Variants in TENM3 observed in about 807,000 individuals in gnomAD.
The protein encoded by TENM3 is teneurin transmembrane protein 3.
TENM3 carries 63 observed loss-of-function variants against 255.1 expected under a neutral mutation model. The observed-to-expected ratio is 0.25, with a 90% CI of 0.20 to 0.30. The LOEUF (loss-of-function observed/expected upper bound fraction) is 0.30, where lower values mean the gene tolerates loss of function less well. TENM3 is among the 10% of genes least tolerant of loss of function. TENM3 has a pLI of 1.00. For missense variants in TENM3, 2,929 were observed against 3,461.1 expected, an observed-to-expected ratio of 0.85 and a Z score of 3.86; for synonymous variants, 1,306 against 1,322.3, an observed-to-expected ratio of 0.99 and a Z score of 0.27.
intron 13 of TENM3, among the ~76,000 whole-genome samples, chr4:182,726,710 G>A (rs1040427490): frequency 6.6e-6 from 1 of 152,210 alleles, no homozygotes; most frequent in Non-Finnish European, 1.5e-5. Context: ...GGGAAGCACA[G>A]CGTCCGCTAC....
the TENM3 span, among the ~76,000 whole-genome samples, chr4:181,873,979 T>C: frequency 4.6e-5 from 7 of 152,168 alleles, no homozygotes; most frequent in Admixed American, 1.3e-4. Context: ...GAGACAGGGT[T>C]TCACCATGTT....
chr4:182,593,345 C>CTCTG (rs57275387), intron 3 of TENM3, among the ~76,000 whole-genome samples: 1,549 of 152,238 alleles, frequency 0.01, 36 homozygotes, highest in East Asian at 0.089. Flanking sequence ...GTTTCTGTCT[C>CTCTG]TCTGTCTGTC....
intron 3 of TENM3, among the ~76,000 whole-genome samples, chr4:182,508,311 C>A (rs1737044142): frequency 1.3e-5 from 2 of 152,044 alleles, no homozygotes; most frequent in Admixed American, 1.3e-4. Flanking sequence ...ACCTTGGTTT[C>A]ATTAAAGTAA....
At chr4:182,342,635 G>C (rs1008703206) in intron 2 of TENM3, among the ~76,000 whole-genome samples, 1 of 152,132 alleles carries the variant, frequency 6.6e-6, no homozygotes, top group Non-Finnish European at 1.5e-5. Flanking sequence ...TGTGAGTTAT[G>C]TTTCAATAAA....
chr4:181,883,204 G>C, the TENM3 span, among the ~76,000 whole-genome samples: 10 of 131,110 alleles, frequency 7.6e-5, no homozygotes, highest in African/African-American at 2.8e-4. Context: ...TTATTACTCT[G>C]ACCGAATTGT....
chr4:182,346,109 A>ATAC (rs746025898), intron 2 of TENM3, among the ~76,000 whole-genome samples: 11 of 151,752 alleles, frequency 7.2e-5, no homozygotes, highest in Admixed American at 2.0e-4. Flanking sequence ...ACATACATAC[A>ATAC]AAATACTACG....
At chr4:181,954,558 G>A in the TENM3 span, among the ~76,000 whole-genome samples, 25 of 152,156 alleles carry the variant, frequency 1.6e-4, no homozygotes, top group African/African-American at 6.0e-4. Flanking sequence ...ATTGGTTATT[G>A]TAATCTTTAT....
At chr4:182,760,544 G>A (rs1049779677) in intron 22 of TENM3, among the ~76,000 whole-genome samples, 1 of 150,430 alleles carries the variant, frequency 6.6e-6, no homozygotes, top group Non-Finnish European at 1.5e-5. Flanking sequence ...GCAGGTTAGC[G>A]ACATTTTTTT....
At chr4:181,911,495 A>T in the TENM3 span, among the ~76,000 whole-genome samples, 1 of 152,226 alleles carries the variant, frequency 6.6e-6, no homozygotes, top group South Asian at 2.1e-4. Flanking sequence ...ATGATGACAG[A>T]TAAAATGTGT....
intron 1 of TENM3, among the ~76,000 whole-genome samples, chr4:182,168,578 A>C (rs1751877419): frequency 6.6e-6 from 1 of 152,228 alleles, no homozygotes; most frequent in Non-Finnish European, 1.5e-5. Flanking sequence ...CTGTTAAAAG[A>C]AATGAAAAAC....
At chr4:182,584,175 A>G (rs188045750) in intron 3 of TENM3, among the ~76,000 whole-genome samples, 1 of 152,374 alleles carries the variant, frequency 6.6e-6, no homozygotes, top group Admixed American at 6.5e-5. Context: ...AGTACTTGAT[A>G]GATATCACTT....
chr4:182,149,022 T>A (rs1397365266), intron 1 of TENM3, among the ~76,000 whole-genome samples: 2 of 152,096 alleles, frequency 1.3e-5, no homozygotes. Flanking sequence ...GTAGTATATA[T>A]GATTTCTAAA....
the TENM3 span, among the ~76,000 whole-genome samples, chr4:181,500,208 T>C: frequency 2.6e-5 from 4 of 151,914 alleles, no homozygotes; most frequent in African/African-American, 9.7e-5. Context: ...TTTGTATTTT[T>C]AGTAGAGAGG....
At chr4:181,799,060 A>G in the TENM3 span, among the ~76,000 whole-genome samples, 7,169 of 152,338 alleles carry the variant, frequency 0.047, 201 homozygotes, top group South Asian at 0.1. Context: ...TAATGTATAC[A>G]TTGGAAGGCT....
At chr4:182,458,866 G>A (rs1225020736) in intron 3 of TENM3, among the ~76,000 whole-genome samples, 2 of 152,134 alleles carry the variant, frequency 1.3e-5, no homozygotes, top group African/African-American at 4.8e-5. Flanking sequence ...CCAGGGAAAT[G>A]GTTGTGCTAT....
At chr4:182,554,761 G>C (rs1174153120) in intron 3 of TENM3, among the ~76,000 whole-genome samples, 1 of 151,980 alleles carries the variant, frequency 6.6e-6, no homozygotes, top group Non-Finnish European at 1.5e-5. Context: ...AAAGAATTCT[G>C]AAACAAAGCC....
chr4:181,700,907 T>C, the TENM3 span, among the ~76,000 whole-genome samples: 1 of 152,200 alleles, frequency 6.6e-6, no homozygotes, highest in Non-Finnish European at 1.5e-5. Context: ...ATTTCAATTT[T>C]TTAATTTATT....
At chr4:182,356,697 A>C (rs1765561721) in intron 3 of TENM3, among the ~76,000 whole-genome samples, 2 of 151,746 alleles carry the variant, frequency 1.3e-5, no homozygotes, top group Admixed American at 1.3e-4. Context: ...TTTTTTTTAA[A>C]TATATTTTTA....
the TENM3 span, among the ~76,000 whole-genome samples, chr4:182,003,015 C>A: frequency 0.013 from 2,001 of 152,070 alleles, 43 homozygotes; most frequent in African/African-American, 0.045. Context: ...TATGCTTGTT[C>A]AAGTGAGATA....
Sources: gnomAD v4.1 joint callset for allele counts (sites outside exome capture counted in the v4.1 genomes callset) on GRCh38, gnomAD v4.1.1 for gene constraint, MANE v1.5 for transcripts, NCBI Gene and HGNC (gene_info 2026-07-23, HGNC 2026-07-21) for gene names.